LTBP1: variants seen among roughly 807,000 people sequenced by gnomAD.
LTBP1 encodes latent transforming growth factor beta binding protein 1.
LTBP1 carries 129 observed loss-of-function variants against 207.6 expected under a neutral mutation model. That is an observed-to-expected ratio of 0.62 (90% CI 0.54 to 0.72). LTBP1 has a LOEUF of 0.72. LTBP1 is among the 30% of genes least tolerant of loss of function. LTBP1 has a pLI of 0.00. For missense variants in LTBP1, 2,281 were observed against 2,217.2 expected, an observed-to-expected ratio of 1.03 and a Z score of -0.58; for synonymous variants, 963 against 833.7, an observed-to-expected ratio of 1.16 and a Z score of -2.67.
rs749952054 is a variant in LTBP1 at position 33,261,523 on chromosome 2, G to A, written c.2419-1199G>A. Among the ~76,000 whole-genome samples, 12 of 152,208 alleles carry A rather than the reference G, an allele frequency of 7.9e-5. No homozygotes were observed. The South Asian group carries it at 1.0e-3, about 13-fold the overall frequency. ...ATAAACTGAAAATGAGAGTGAGTCC[G>A]GCCTAGGGTGGTGGGATCTATGGAT... On this transcript the variant is annotated intron_variant, in intron 13 of 33. Transcript: ENST00000404816.
At chr2:33,025,278 C>T (rs942916844) in intron 3 of LTBP1, among the ~76,000 whole-genome samples, 9 of 151,982 alleles carry the variant, frequency 5.9e-5, no homozygotes, top group East Asian at 1.9e-4. Context: ...TCAAAGAATT[C>T]GTGGACATAT....
chr2:33,166,837 G>A (rs963239275), intron 5 of LTBP1, among the ~76,000 whole-genome samples: 1 of 152,154 alleles, frequency 6.6e-6, no homozygotes, highest in Non-Finnish European at 1.5e-5. Flanking sequence ...GAATCACGTG[G>A]CCCTGAATAG....
At chr2:33,037,202 C>G (rs1391999835) in intron 3 of LTBP1, among the ~76,000 whole-genome samples, 1 of 152,080 alleles carries the variant, frequency 6.6e-6, no homozygotes, top group East Asian at 1.9e-4. Flanking sequence ...ACTACCATAT[C>G]ATATATGTTT....
At position 33,283,729 on chromosome 2, in the gene LTBP1, C is replaced by T. The variant is rs115698874; in HGVS notation, c.3112+3571C>T. 6.8e-3 allele frequency among the ~76,000 whole-genome samples: 1,029 copies of T among 152,266 alleles called. 8 individuals carry two copies. Among genetic ancestry groups the T allele is most frequent in the African/African-American group, 0.022 (914 of 41,554 alleles). On this transcript the variant is annotated intron_variant, in intron 19 of 33. Coordinates refer to ENST00000404816, the MANE Select transcript of LTBP1 (RefSeq NM_206943.4). ...GGGATTACAGGCGTGAGCCACCGTG[C>T]CCGGTCATTAAAAAGTTTCCTGCAA... is the stretch of plus-strand genomic sequence containing the variant.
At chr2:32,953,635 C>T (rs146583702) in intron 2 of LTBP1, among the ~76,000 whole-genome samples, 90 of 152,280 alleles carry the variant, frequency 5.9e-4, no homozygotes, top group Non-Finnish European at 1.2e-3. Context: ...AGCCCTCCTC[C>T]GGCCCATGGG....
At chr2:33,043,846 C>G (rs543060047) in intron 3 of LTBP1, among the ~76,000 whole-genome samples, 106 of 152,128 alleles carry the variant, frequency 7.0e-4, no homozygotes, top group African/African-American at 2.4e-3. Context: ...AAATGAGAGA[C>G]GGTGTTTAAA....
At chr2:33,066,653 C>A (rs1261684471) in intron 3 of LTBP1, among the ~76,000 whole-genome samples, 5 of 152,188 alleles carry the variant, frequency 3.3e-5, no homozygotes, top group Non-Finnish European at 7.3e-5. Context: ...CCAGACTAAT[C>A]ACTTATCACA....
intron 3 of LTBP1, among the ~76,000 whole-genome samples, chr2:33,103,586 C>CGTGTGTGTGTGTGTGTGTGTGTGTGTGT (rs71407500): frequency 1.1e-4 from 13 of 118,142 alleles, no homozygotes; most frequent in Non-Finnish European, 2.1e-4. Context: ...TCTCCGTTTA[C>CGTGTGTGTGTGTGTGTGTGTGTGTGTGT]GTGTGTGTGT....
chr2:33,010,378 G>C (rs1196594581), intron 2 of LTBP1, among the ~76,000 whole-genome samples: 1 of 152,210 alleles, frequency 6.6e-6, no homozygotes, highest in African/African-American at 2.4e-5. Context: ...GCATGGGTGT[G>C]TGGGGGGGAT....
chr2:32,966,849 G>A (rs1680084410), intron 2 of LTBP1, among the ~76,000 whole-genome samples: 1 of 152,114 alleles, frequency 6.6e-6, no homozygotes, highest in African/African-American at 2.4e-5. Flanking sequence ...TTCCTGTAAT[G>A]TCTTTGCCTG....
chr2:33,086,549 G>A (rs2078764258), intron 3 of LTBP1, among the ~76,000 whole-genome samples: 2 of 152,192 alleles, frequency 1.3e-5, no homozygotes, highest in African/African-American at 2.4e-5. Context: ...CGAGACTGCG[G>A]TGAATAAGTC....
chr2:33,300,186 A>G (rs1158515153), intron 20 of LTBP1, among the ~76,000 whole-genome samples: 1 of 152,172 alleles, frequency 6.6e-6, no homozygotes, highest in Non-Finnish European at 1.5e-5. Flanking sequence ...TTCATGTTGT[A>G]TTCCAAGACA....
At chr2:33,212,004 C>T (rs955725107) in intron 7 of LTBP1, among the ~76,000 whole-genome samples, 10 of 152,174 alleles carry the variant, frequency 6.6e-5, no homozygotes, top group Non-Finnish European at 1.2e-4. Context: ...GATTTAGATA[C>T]ATACATTACC....
chr2:32,956,416 C>T (rs546244109), intron 2 of LTBP1, among the ~76,000 whole-genome samples: 2 of 152,216 alleles, frequency 1.3e-5, no homozygotes, highest in Non-Finnish European at 2.9e-5. Flanking sequence ...ACAGCATCTT[C>T]GCCAGGAGTA....
rs190732710 is a variant in LTBP1 at position 33,006,862 on chromosome 2, C to T, written c.566-14047C>T. Among the ~76,000 whole-genome samples, 148 of 152,122 alleles carry T rather than the reference C, an allele frequency of 9.7e-4. 1 individual carries two copies. Among genetic ancestry groups the T allele is most frequent in the South Asian group, 5.0e-3 (24 of 4,810 alleles). ...TAAGAGAGCTAGTAGCCAGATGCATCGTGTGTTTTGTTTGCAAATGCATCA... is the reference window on the plus strand; with the variant it reads ...TAAGAGAGCTAGTAGCCAGATGCATTGTGTGTTTTGTTTGCAAATGCATCA... On this transcript the variant is annotated intron_variant, in intron 2 of 33. Transcript: ENST00000404816.
At chr2:33,133,396 G>A (rs867936879) in intron 4 of LTBP1, among the ~76,000 whole-genome samples, 32 of 152,278 alleles carry the variant, frequency 2.1e-4, no homozygotes, top group African/African-American at 7.2e-4. Context: ...GCGTCAGAAG[G>A]GCACTGCTTC....
At chr2:33,166,105 T>C (rs2084897456) in intron 5 of LTBP1, among the ~76,000 whole-genome samples, 1 of 151,690 alleles carries the variant, frequency 6.6e-6, no homozygotes, top group South Asian at 2.1e-4. Flanking sequence ...AGATCTGCTA[T>C]AAATTATACA....
At chr2:33,319,496 A>G (rs1573813608) in intron 24 of LTBP1, among the ~76,000 whole-genome samples, 1 of 152,096 alleles carries the variant, frequency 6.6e-6, no homozygotes, top group East Asian at 1.9e-4. Context: ...AAATTAGGGA[A>G]ACTTAATGGT....
rs768539230 is a variant in LTBP1 at position 33,263,360 on chromosome 2, C to G, written c.2585C>G (p.Ala862Gly). 4.2e-5 allele frequency: 68 copies of G among 1,613,648 alleles called. No homozygotes were observed. In the Middle Eastern group the frequency reaches 4.9e-4, roughly 12 times the overall value. Reference sequence around the variant, plus strand: ...GCTCCTGAAGCTTCTACGTCTAGTGCCAGCCAAGTGATTGCTCCTACTCAA... The same window carrying G: ...GCTCCTGAAGCTTCTACGTCTAGTGGCAGCCAAGTGATTGCTCCTACTCAA... ...EVAPEASTSS[A>G]SQVIAPTQVT... The change falls in exon 15 of 34, where the codon GCC (alanine) becomes GGC (glycine). Residue 862 changes from alanine (A) to glycine (G), a missense_variant. Physicochemically the swap from Ala to Gly is moderately conservative, Grantham distance 60. This residue lies in a region of LTBP1 where 1,671 missense variants were observed against 1,634.8 expected (regional missense o/e 1.02). Transcript: ENST00000404816.
Sources: allele counts gnomAD v4.1 joint callset (sites outside exome capture counted in the v4.1 genomes callset), GRCh38; gene constraint gnomAD v4.1.1; regional missense constraint gnomAD v4.1.1; transcripts MANE v1.5; gene names NCBI Gene and HGNC (gene_info 2026-07-23, HGNC 2026-07-21).